SLC8A1: variants seen among roughly 807,000 people sequenced by gnomAD.
SLC8A1 encodes the protein solute carrier family 8 member A1.
Under a neutral mutation model 68.3 loss-of-function variants are expected in SLC8A1, and 18 were observed. The ratio of observed to expected loss-of-function variants is 0.26; its 90% CI spans 0.18 to 0.39. SLC8A1 has a LOEUF of 0.39. Among genes scored for constraint, SLC8A1 ranks in the 10% least tolerant of loss-of-function variants. The pLI is 1.00. For synonymous variants in SLC8A1, 475 were observed against 415.5 expected (o/e 1.14, Z -1.74); for missense variants, 985 against 1,156.7 (o/e 0.85, Z 2.15).
intron 1 of SLC8A1, among the ~76,000 whole-genome samples, chr2:40,504,094 C>T (rs1706213691): frequency 6.6e-6 from 1 of 151,852 alleles, no homozygotes; most frequent in Non-Finnish European, 1.5e-5. Flanking sequence ...AGGTTACTGG[C>T]ATAAAAACAG....
intron 2 of SLC8A1, among the ~76,000 whole-genome samples, chr2:40,396,890 A>C (rs1687163446): frequency 6.6e-6 from 1 of 152,102 alleles, no homozygotes; most frequent in East Asian, 1.9e-4. Context: ...GCTAGTCCAC[A>C]GGGATCCACT....
chr2:40,430,369 C>G, intron 1 of SLC8A1, 65 bp from the exon 2 acceptor site: 7 of 1,442,982 alleles, frequency 4.9e-6, no homozygotes, highest in Non-Finnish European at 6.5e-6. Flanking sequence ...GCAGCCAAAG[C>G]ATTACTAATT....
intron 2 of SLC8A1, among the ~76,000 whole-genome samples, chr2:40,311,158 C>T (rs778917643): frequency 9.9e-5 from 15 of 152,032 alleles, no homozygotes; most frequent in African/African-American, 1.9e-4. Flanking sequence ...GTCCCCAACA[C>T]GTCAGTCAAT....
intron 2 of SLC8A1, among the ~76,000 whole-genome samples, chr2:40,406,276 T>C (rs754322570): frequency 1.3e-5 from 2 of 152,200 alleles, no homozygotes; most frequent in African/African-American, 2.4e-5. Flanking sequence ...AATAATAGAA[T>C]GTATCACTGT....
In SLC8A1 at chr2:40,403,458, T is replaced by A. The variant is rs527535653; in HGVS notation, c.1808+25015A>T. 4.6e-4 allele frequency among the ~76,000 whole-genome samples: 70 copies of A among 152,304 alleles called. No homozygotes were observed. In the South Asian group the frequency reaches 0.015, roughly 32 times the overall value. Reference sequence around the variant, plus strand: ...TCTTTCTACACAACAGGAGCTAATGTCTTTATGCGTACCAAAAAAGACACT... The same window carrying A: ...TCTTTCTACACAACAGGAGCTAATGACTTTATGCGTACCAAAAAAGACACT... On this transcript the variant is annotated intron_variant, in intron 2 of 7. Transcript: ENST00000406785.
intron 1 of SLC8A1, among the ~76,000 whole-genome samples, chr2:40,476,829 A>G (rs970685463): frequency 1.3e-5 from 2 of 152,200 alleles, no homozygotes; most frequent in African/African-American, 4.8e-5. Flanking sequence ...TTGGCAGAGT[A>G]TCTAGGAGGA....
intron 1 of SLC8A1, among the ~76,000 whole-genome samples, chr2:40,511,768 C>T (rs968814780): frequency 3.9e-5 from 6 of 152,216 alleles, no homozygotes; most frequent in African/African-American, 7.2e-5. Flanking sequence ...CTTCAACTTG[C>T]GTAAGACCCC....
At chr2:40,258,206 C>G (rs2064200769) in intron 2 of SLC8A1, among the ~76,000 whole-genome samples, 1 of 152,186 alleles carries the variant, frequency 6.6e-6, no homozygotes, top group African/African-American at 2.4e-5. Context: ...TGACTGCCTA[C>G]AGACTGACAT....
chr2:40,206,164 C>G (rs911403110), intron 2 of SLC8A1, among the ~76,000 whole-genome samples: 8 of 151,958 alleles, frequency 5.3e-5, no homozygotes, highest in African/African-American at 1.7e-4. Context: ...TATGAAGAAC[C>G]AATTAGGTTG....
chr2:40,453,408 C>T (rs1702785708), upstream of SLC8A1: 1 of 152,144 alleles, frequency 6.6e-6, no homozygotes, highest in South Asian at 2.1e-4. Context: ...CCCATACTTA[C>T]AGTGCAACCA....
At chr2:40,387,936 C>CAA (rs57394425) in intron 2 of SLC8A1, among the ~76,000 whole-genome samples, 1,601 of 90,616 alleles carry the variant, frequency 0.018, 54 homozygotes, top group African/African-American at 0.066. Context: ...GAGACTGCCT[C>CAA]AAAAAAAAAA....
chr2:40,437,472 C>G (rs1699661513), intron 1 of SLC8A1, among the ~76,000 whole-genome samples: 1 of 152,114 alleles, frequency 6.6e-6, no homozygotes, highest in South Asian at 2.1e-4. Flanking sequence ...TCTGAAATCA[C>G]TCCAAACTCA....
In SLC8A1 at chr2:40,179,645, C is replaced by A. The variant is rs928196031; in HGVS notation, c.1809-1790G>T. ...TGAAACAATGAGTGTTTGTAGACAA[C>A]GGAATTTTAACAGCATGGCCATTCT... On this transcript the variant is annotated intron_variant, in intron 2 of 7. Coordinates refer to ENST00000406785, the Ensembl canonical transcript of SLC8A1. Among the ~76,000 whole-genome samples, 65 of 152,248 alleles carry A rather than the reference C, an allele frequency of 4.3e-4. 1 individual carries two copies. Among genetic ancestry groups the A allele is most frequent in the African/African-American group, 1.4e-3 (57 of 41,528 alleles).
At chr2:40,312,424 G>GA (rs146238549) in intron 2 of SLC8A1, among the ~76,000 whole-genome samples, 2,404 of 152,196 alleles carry the variant, frequency 0.016, 24 homozygotes, top group Middle Eastern at 0.065. Flanking sequence ...AGTGGTCCAG[G>GA]AAACTTCATC....
rs546279243 is a variant in SLC8A1 at position 40,503,464 on chromosome 2, C to T, written c.-25+8885G>A. On this transcript the variant is annotated intron_variant, in intron 1 of 7. Coordinates refer to the SLC8A1 transcript ENST00000402441. ...TGCTAGAAGTCCTATCTAGAGCAAT[C>T]AGACAACAGAAGGATATAAAGGGCA... Among the ~76,000 whole-genome samples the T allele has an allele frequency of 9.2e-5, 14 of 152,120 alleles. No homozygotes were observed. The South Asian group carries it at 2.9e-3, about 32-fold the overall frequency.
At chr2:40,129,234 A>ATTT (rs66846961) in intron 7 of SLC8A1, among the ~76,000 whole-genome samples, 1 of 144,072 alleles carries the variant, frequency 6.9e-6, no homozygotes, top group African/African-American at 2.6e-5. Flanking sequence ...GAGATGTTTC[A>ATTT]TTTTTTTTTT....
At chr2:40,492,631 C>T in intron 1 of SLC8A1, among the ~76,000 whole-genome samples, 2 of 149,854 alleles carry the variant, frequency 1.3e-5, no homozygotes, top group South Asian at 4.2e-4. Flanking sequence ...CTACAATGAA[C>T]TCAAACAAAT....
intron 2 of SLC8A1, among the ~76,000 whole-genome samples, chr2:40,421,311 T>C (rs1695444413): frequency 6.6e-6 from 1 of 151,964 alleles, no homozygotes; most frequent in Non-Finnish European, 1.5e-5. Flanking sequence ...CCTCAGTAAC[T>C]GGCTGAAAGG....
chr2:40,471,187 A>T (rs1308679228), intron 1 of SLC8A1, among the ~76,000 whole-genome samples: 1 of 152,208 alleles, frequency 6.6e-6, no homozygotes, highest in African/African-American at 2.4e-5. Context: ...CCACCCTCTG[A>T]CATAAGTATT....
Sources: gnomAD v4.1 joint callset for allele counts (sites outside exome capture counted in the v4.1 genomes callset) on GRCh38, gnomAD v4.1.1 for gene constraint, MANE v1.5 for transcripts, NCBI Gene and HGNC (gene_info 2026-07-23, HGNC 2026-07-21) for gene names.